IBTK: variants seen among roughly 807,000 people sequenced by gnomAD.
The protein encoded by IBTK is inhibitor of Bruton tyrosine kinase, also known as BTK-binding protein.
Under a neutral mutation model 154.9 loss-of-function variants are expected in IBTK, and 83 were observed. That is an observed-to-expected ratio of 0.54 (90% CI 0.45 to 0.64). IBTK has a LOEUF of 0.64. Among genes scored for constraint, IBTK ranks in the 30% least tolerant of loss-of-function variants. The probability of loss-of-function intolerance (pLI) is 0.00; values close to 1 mark genes in which losing one functional copy is unlikely to be tolerated. For synonymous variants in IBTK, 515 were observed against 536.1 expected (o/e 0.96, Z 0.54); for missense variants, 1,332 against 1,584.6 (o/e 0.84, Z 2.71).
chr6:82,212,658 A>T (rs1367511061), intron 13 of IBTK, 49 bp downstream of exon 13: 1 of 1,210,450 alleles, frequency 8.3e-7, no homozygotes, highest in Non-Finnish European at 1.2e-6. Flanking sequence ...TTCCACACTT[A>T]AGTGCCAAAA....
intron 17 of IBTK, 33 bp from the exon 18 acceptor site, chr6:82,202,678 T>C: frequency 3.5e-6 from 4 of 1,156,106 alleles, no homozygotes; most frequent in Admixed American, 2.0e-5. Context: ...CAAAATTAGA[T>C]AAAAGGCACA....
At chr6:82,188,587 A>G (rs1768639998) in intron 25 of IBTK, among the ~76,000 whole-genome samples, 3 of 152,194 alleles carry the variant, frequency 2.0e-5, no homozygotes, top group Admixed American at 2.0e-4. Context: ...TACAGAGTAC[A>G]GAGATCTTCA....
At position 82,173,374 on chromosome 6, in the gene IBTK, T is replaced by A. The variant is rs776626285; in HGVS notation, c.3790A>T (p.Ser1264Cys). The change falls in exon 27 of 29, where the codon AGT (serine) becomes TGT (cysteine). Residue 1264 changes from serine (S) to cysteine (C), a missense_variant. Physicochemically the swap from Ser to Cys is moderately radical, Grantham distance 112 (BLOSUM62 -1). Transcript: ENST00000306270. ...NHISDLPLLD[S>C]PNPWLSSSVT... ...CTTATCAATTAACCTTACTTGGGACTGTCTAGAAGTGGTAAATCTGAAATA... is the reference window on the plus strand; with the variant it reads ...CTTATCAATTAACCTTACTTGGGACAGTCTAGAAGTGGTAAATCTGAAATA... 2 of 1,611,194 alleles carry A rather than the reference T, an allele frequency of 1.2e-6. No homozygotes were observed. The highest frequency in any genetic ancestry group is 2.7e-5 in the African/African-American group (2 of 74,860).
intron 26 of IBTK, among the ~76,000 whole-genome samples, chr6:82,181,128 G>A (rs903201308): frequency 6.6e-6 from 1 of 152,158 alleles, no homozygotes; most frequent in Admixed American, 6.5e-5. Flanking sequence ...GGCGGCTCAT[G>A]CCTGTAATCC....
In IBTK at chr6:82,234,215, G is replaced by C. The variant is rs1770629519; in HGVS notation, c.362C>G (p.Ser121Ter). 4.4e-6 allele frequency: 7 copies of C among 1,603,812 alleles called. No homozygotes were observed. Among genetic ancestry groups the C allele is most frequent in the Non-Finnish European group, 5.1e-6 (6 of 1,173,256 alleles). ...SLYIQDKEGL[S>*]ALDLVMKDRP... ...ATCCTTCATTACAAGATCCAAAGCT[G>C]ACAAGCCTTCTTTATCTTGAATATA... Residue 121 changes from serine to a stop codon, truncating the protein, a stop_gained, in exon 3 of 29, where the codon TCA (serine) becomes TGA (stop). Transcript: ENST00000306270. LOFTEE classifies it high-confidence loss of function.
intron 1 of IBTK, among the ~76,000 whole-genome samples, chr6:82,244,217 T>C (rs146408401): frequency 6.6e-6 from 1 of 152,384 alleles, no homozygotes; most frequent in East Asian, 1.9e-4. Flanking sequence ...TTCATTACTA[T>C]TGTTTCTTCA....
At chr6:82,183,440 A>G (rs890370383) in intron 25 of IBTK, among the ~76,000 whole-genome samples, 22 of 152,142 alleles carry the variant, frequency 1.4e-4, no homozygotes, top group Non-Finnish European at 1.3e-4. Context: ...GAGAAAAAAA[A>G]AAGATAGAAA....
At chr6:82,212,394 G>C (rs1003283330) in intron 13 of IBTK, among the ~76,000 whole-genome samples, 4 of 152,080 alleles carry the variant, frequency 2.6e-5, no homozygotes. Flanking sequence ...ATAATTAATT[G>C]GTTTGGGGGC....
chr6:82,220,976 ACAC>A (rs1193893048), intron 8 of IBTK, among the ~76,000 whole-genome samples: 2 of 151,452 alleles, frequency 1.3e-5, no homozygotes, highest in Admixed American at 6.6e-5. Context: ...ACACACACAC[ACAC>A]ATTAAATGCC....
intron 23 of IBTK, 29 bp from the exon 24 acceptor site, chr6:82,191,908 A>G (rs746909207): frequency 1.4e-6 from 2 of 1,402,126 alleles, no homozygotes; most frequent in Admixed American, 3.7e-5. Flanking sequence ...TACTTTGCAA[A>G]GCATTCATTT....
chr6:82,197,537 T>A (rs1335202257), intron 21 of IBTK, among the ~76,000 whole-genome samples: 1 of 151,828 alleles, frequency 6.6e-6, no homozygotes, highest in Non-Finnish European at 1.5e-5. Context: ...GCCCGGCTAA[T>A]TTTTTTTGTA....
chr6:82,218,083 G>T lies in IBTK; in HGVS notation c.1303C>A (p.Pro435Thr), dbSNP rs748373170. The T allele has an allele frequency of 9.9e-6, 16 of 1,609,482 alleles. No homozygotes were observed. Among genetic ancestry groups the T allele is most frequent in the Non-Finnish European group, 1.4e-5 (16 of 1,178,138 alleles). Reference protein sequence around the residue: ...SSLKQCRWAYPRQVFISDIAL... With the variant: ...SSLKQCRWAYTRQVFISDIAL... ...ATATCAGAAATGAAGACCTGACGTG[G>T]ATAGGCCCATCGACACTGCTTCAGA... is the stretch of plus-strand genomic sequence containing the variant. Residue 435 changes from proline to threonine, a missense_variant, in exon 10 of 29, where the codon CCA becomes ACA. By Grantham distance (38) the Pro-to-Thr change is conservative. Coordinates refer to ENST00000306270, the MANE Select transcript of IBTK (RefSeq NM_015525.4).
At chr6:82,223,345 A>G (rs1033160052) in intron 8 of IBTK, 95 bp downstream of exon 8, 6 of 988,574 alleles carry the variant, frequency 6.1e-6, no homozygotes, top group Middle Eastern at 6.4e-4. Flanking sequence ...TCCATTTGAC[A>G]TTTATAGAAC....
intron 16 of IBTK, among the ~76,000 whole-genome samples, chr6:82,209,245 T>C (rs1248458611): frequency 2.6e-5 from 4 of 152,030 alleles, no homozygotes; most frequent in African/African-American, 9.7e-5. Context: ...AATGAAAACA[T>C]AGGCCCACGC....
At position 82,185,564 on chromosome 6, in the gene IBTK, A is replaced by T. The variant is rs149625544; in HGVS notation, c.3576-3536T>A. ...AAAAAGTTCCAATTTTTTCTTTAAA[A>T]CCAATGCATACGAGATATGTTCTCA... On this transcript the variant is annotated intron_variant, in intron 25 of 28. Transcript: ENST00000306270. 5.2e-3 allele frequency among the ~76,000 whole-genome samples: 785 copies of T among 150,522 alleles called. 7 individuals are homozygous for T. The highest frequency in any genetic ancestry group is 7.6e-3 in the Non-Finnish European group (516 of 67,664).
At chr6:82,237,010 C>T (rs534188698) in intron 2 of IBTK, among the ~76,000 whole-genome samples, 41 of 152,260 alleles carry the variant, frequency 2.7e-4, no homozygotes, top group Admixed American at 1.7e-3. Flanking sequence ...AAGGTGACAA[C>T]GGCACAATTT....
intron 12 of IBTK, among the ~76,000 whole-genome samples, chr6:82,213,723 A>C (rs1186015945): frequency 1.3e-5 from 2 of 152,114 alleles, no homozygotes; most frequent in Non-Finnish European, 2.9e-5. Context: ...CACAAACCAG[A>C]GTTCAAACCC....
At position 82,240,488 on chromosome 6, in the gene IBTK, C is replaced by T. The variant is rs771342619; in HGVS notation, c.-2G>A. 6 of 1,608,230 alleles carry T rather than the reference C, an allele frequency of 3.7e-6. No individual in the cohort carries two copies. The highest frequency in any genetic ancestry group is 1.3e-5 in the African/African-American group (1 of 74,806). On this transcript the variant is annotated 5_prime_UTR_variant, in exon 2 of 29. Coordinates refer to ENST00000306270, the MANE Select transcript of IBTK (RefSeq NM_015525.4). Reference sequence around the variant, plus strand: ...GCAGTCAGGCATGGGTGAACTCATCCTAACTGTTTTTATACCACTTACTTC... The same window carrying T: ...GCAGTCAGGCATGGGTGAACTCATCTTAACTGTTTTTATACCACTTACTTC...
At chr6:82,218,817 G>C (rs917271041) in intron 9 of IBTK, among the ~76,000 whole-genome samples, 1 of 152,114 alleles carries the variant, frequency 6.6e-6, no homozygotes, top group Non-Finnish European at 1.5e-5. Flanking sequence ...ATTTTTAAAA[G>C]TCCAATTCCC....
Sources: gnomAD v4.1 joint callset for allele counts (sites outside exome capture counted in the v4.1 genomes callset) on GRCh38, gnomAD v4.1.1 for gene constraint, MANE v1.5 for transcripts, NCBI Gene and HGNC (gene_info 2026-07-23, HGNC 2026-07-21) for gene names.